TOGARAM1: variants seen among roughly 807,000 people sequenced by gnomAD.
TOGARAM1 encodes the protein TOG array regulator of axonemal microtubules protein 1.
A neutral mutation model predicts 166.6 loss-of-function variants in TOGARAM1; 100 were observed. The ratio of observed to expected loss-of-function variants is 0.60; its 90% CI spans 0.51 to 0.71. The LOEUF (loss-of-function observed/expected upper bound fraction) is 0.71, where lower values mean the gene tolerates loss of function less well. TOGARAM1 is among the 30% of genes least tolerant of loss of function. The probability of loss-of-function intolerance (pLI) is 0.00; values close to 1 mark genes in which losing one functional copy is unlikely to be tolerated. For synonymous variants in TOGARAM1, 758 were observed against 763.8 expected, an observed-to-expected ratio of 0.99 and a Z score of 0.13; for missense variants, 2,029 against 2,102.7, an observed-to-expected ratio of 0.96 and a Z score of 0.69.
chr14:45,047,307 G>A (rs933707330), intron 14 of TOGARAM1, among the ~76,000 whole-genome samples: 11 of 151,248 alleles, frequency 7.3e-5, no homozygotes, highest in African/African-American at 4.9e-5. Context: ...CAGGAGAATC[G>A]CTTGAACCCG....
Position 44,963,823 on chromosome 14 carries a change from C to G in TOGARAM1, c.1402C>G (p.Pro468Ala). The change falls in exon 1 of 20, where the codon CCT becomes GCT. Residue 468 changes from proline to alanine, a missense_variant. Physicochemically the swap from Pro to Ala is conservative, Grantham distance 27. Coordinates refer to ENST00000361462, the MANE Select transcript of TOGARAM1 (RefSeq NM_001308120.2). ...CCTCAAGCTAATGAAGGAAGTAGGA[C>G]CTCAGCAGGTGCTTTGTTTACTCCT... ...IFLKLMKEVGPQQVLCLLLEH... is the reference protein window; with the variant it reads ...IFLKLMKEVGAQQVLCLLLEH... 2 of 1,614,166 alleles carry G rather than the reference C, an allele frequency of 1.2e-6. No homozygotes were observed. The highest frequency in any genetic ancestry group is 1.7e-6 in the Non-Finnish European group (2 of 1,180,026).
intron 11 of TOGARAM1, among the ~76,000 whole-genome samples, chr14:45,039,264 T>G (rs1008996750): frequency 1.3e-5 from 2 of 152,146 alleles, no homozygotes; most frequent in African/African-American, 4.8e-5. Context: ...TCCAGGATTT[T>G]TATGGGCTTC....
chr14:44,964,557 G>A lies in TOGARAM1; in HGVS notation c.2046+90G>A, dbSNP rs1885408081. On this transcript the variant is annotated intron_variant, in intron 1 of 19. Transcript: ENST00000361462. Reference sequence around the variant, plus strand: ...GACTTAAGGGTCAGCCTGCTTGAGGGAAACATGTTATGCTTTGTTTTAAAT... The same window carrying A: ...GACTTAAGGGTCAGCCTGCTTGAGGAAAACATGTTATGCTTTGTTTTAAAT... 6.5e-6 allele frequency: 9 copies of A among 1,376,968 alleles called. No individual in the cohort carries two copies. The South Asian group carries it at 1.3e-4, about 20-fold the overall frequency. 85.3% of individuals were successfully genotyped at this position (1,376,968 alleles called of 1,614,324 possible).
Position 45,046,621 on chromosome 14 carries a change from A to G in TOGARAM1, c.4231A>G (p.Ile1411Val). ...DVLEFMEPER[I>V]LSAAKDMAER... The stretch of plus-strand genomic sequence containing the variant: ...ATTGGAATTTATGGAACCAGAACGT[A>G]TTTTATCTGCAGCAAAGGATATGGC... The change falls in exon 14 of 20, where the codon ATT becomes GTT. Residue 1411 changes from isoleucine (I) to valine (V), a missense_variant. Around this residue, in one of 2 missense-constraint regions of TOGARAM1, gnomAD observed 576 missense variants for 670.5 expected, o/e 0.86. Coordinates refer to ENST00000361462, the MANE Select transcript of TOGARAM1 (RefSeq NM_001308120.2). 7.0e-7 allele frequency: 1 copy of G among 1,420,782 alleles called. No individual in the cohort carries two copies. The highest frequency in any genetic ancestry group is 9.3e-7 in the Non-Finnish European group (1 of 1,080,186). 88.0% of individuals were successfully genotyped at this position (1,420,782 alleles called of 1,614,324 possible). A position where few individuals can be genotyped will look rare whatever the true frequency, so the allele number is the denominator to read the frequency against.
intron 3 of TOGARAM1, among the ~76,000 whole-genome samples, chr14:45,000,869 G>A (rs960882878): frequency 1.3e-5 from 2 of 152,078 alleles, no homozygotes; most frequent in Non-Finnish European, 2.9e-5. Flanking sequence ...AAGTAGCTGG[G>A]ACTACAGATA....
rs371710027 is a variant in TOGARAM1, at chr14:44,993,921, T to A, written c.2047-1825T>A. Among the ~76,000 whole-genome samples, 122 of 152,360 alleles carry A rather than the reference T, an allele frequency of 8.0e-4. 2 individuals are homozygous for A. The South Asian group carries it at 0.024, about 30-fold the overall frequency. On this transcript the variant is annotated intron_variant, in intron 1 of 19. Transcript: ENST00000361462. ...ATAAAATGTATTCCATACTGTAGAATTATTTCTGGATTACTCACTATGTTA... is the reference window on the plus strand; with the variant it reads ...ATAAAATGTATTCCATACTGTAGAAATATTTCTGGATTACTCACTATGTTA...
At chr14:45,050,637 T>C (rs576649948) in intron 14 of TOGARAM1, among the ~76,000 whole-genome samples, 26 of 151,688 alleles carry the variant, frequency 1.7e-4, no homozygotes, top group South Asian at 1.2e-3. Context: ...CCTTTTTTTT[T>C]CCCCCAAGAC....
intron 1 of TOGARAM1, among the ~76,000 whole-genome samples, chr14:44,987,613 T>C (rs1886902462): frequency 6.6e-6 from 1 of 150,858 alleles, no homozygotes; most frequent in Non-Finnish European, 1.5e-5. Context: ...CAACAGGTGC[T>C]GGAGAGGATG....
intron 7 of TOGARAM1, among the ~76,000 whole-genome samples, chr14:45,019,765 T>C (rs1880384269): frequency 6.6e-6 from 1 of 152,200 alleles, no homozygotes; most frequent in South Asian, 2.1e-4. Context: ...CAGCTAGGCT[T>C]AGGGACTCGC....
At chr14:45,038,604 C>T (rs565020199) in intron 11 of TOGARAM1, among the ~76,000 whole-genome samples, 16 of 152,380 alleles carry the variant, frequency 1.1e-4, no homozygotes, top group African/African-American at 3.4e-4. Flanking sequence ...GAGATGCCAG[C>T]AACTGCAGAA....
chr14:45,049,332 G>T (rs1192257795), intron 14 of TOGARAM1, among the ~76,000 whole-genome samples: 3 of 151,630 alleles, frequency 2.0e-5, no homozygotes, highest in African/African-American at 7.3e-5. Context: ...GCGCCATCTC[G>T]GCTCACTGCA....
At chr14:44,987,669 A>G (rs1886906256) in intron 1 of TOGARAM1, among the ~76,000 whole-genome samples, 1 of 150,028 alleles carries the variant, frequency 6.7e-6, no homozygotes, top group Non-Finnish European at 1.5e-5. Context: ...ACTGTAAACT[A>G]GTTCAACCAT....
At chr14:45,032,794 C>T (rs2138921636) in intron 11 of TOGARAM1, among the ~76,000 whole-genome samples, 1 of 152,292 alleles carries the variant, frequency 6.6e-6, no homozygotes, top group East Asian at 1.9e-4. Flanking sequence ...AATGTGCATC[C>T]CACGTGTTTC....
chr14:45,031,522 C>A (rs1009783047), intron 10 of TOGARAM1, among the ~76,000 whole-genome samples: 12 of 152,106 alleles, frequency 7.9e-5, no homozygotes, highest in African/African-American at 2.9e-4. Flanking sequence ...CATACAGATG[C>A]CATGAACCTT....
At chr14:44,999,097 A>G (rs1214681935) in intron 2 of TOGARAM1, among the ~76,000 whole-genome samples, 2 of 152,196 alleles carry the variant, frequency 1.3e-5, no homozygotes, top group Non-Finnish European at 2.9e-5. Flanking sequence ...GAAAGAGTGT[A>G]GGAAGAAACT....
intron 1 of TOGARAM1, among the ~76,000 whole-genome samples, chr14:44,991,064 T>A (rs2138792520): frequency 6.8e-6 from 1 of 146,258 alleles, no homozygotes; most frequent in East Asian, 2.1e-4. Context: ...GCTCAAGTGA[T>A]CCTCCCACCT....
rs949487778 is a variant in TOGARAM1 at position 44,995,622 on chromosome 14, A to G, written c.2047-124A>G. ...AATATGGATGTTTATCTGTATCATT[A>G]TATATTTGATAAATTAAAATTTATT... On this transcript the variant is annotated intron_variant, in intron 1 of 19. Coordinates refer to ENST00000361462, the MANE Select transcript of TOGARAM1 (RefSeq NM_001308120.2). 5 of 679,790 alleles carry G rather than the reference A, an allele frequency of 7.4e-6. No individual in the cohort carries two copies. In the Admixed American group the frequency reaches 8.0e-5, roughly 11 times the overall value. The allele number at this position is 679,790 out of a possible 1,614,324, so 42.1% of individuals were successfully genotyped here. A position where few individuals can be genotyped will look rare whatever the true frequency, so the allele number is the denominator to read the frequency against.
chr14:45,011,967 C>T lies in TOGARAM1; in HGVS notation c.3138-8C>T. ...AATGTTTATTGAAATTACTTTGTTT[C>T]ATTGCAGGTCAGACATATTTCCAAC... On this transcript the variant is annotated splice_region_variant and splice_polypyrimidine_tract_variant and intron_variant, in intron 6 of 19. Coordinates refer to ENST00000361462, the MANE Select transcript of TOGARAM1 (RefSeq NM_001308120.2). The T allele has an allele frequency of 6.3e-7, 1 of 1,583,584 alleles. No homozygotes were observed. The highest frequency in any genetic ancestry group is 8.6e-7 in the Non-Finnish European group (1 of 1,163,928).
At chr14:45,066,398 A>C (rs1396328071) in intron 16 of TOGARAM1, among the ~76,000 whole-genome samples, 180 bp from the exon 17 acceptor site, 1 of 152,100 alleles carries the variant, frequency 6.6e-6, no homozygotes, top group African/African-American at 2.4e-5. Context: ...CAAATATCCA[A>C]ATCCAGGGGA....
Sources: allele counts gnomAD v4.1 joint callset (sites outside exome capture counted in the v4.1 genomes callset), GRCh38; gene constraint gnomAD v4.1.1; regional missense constraint gnomAD v4.1.1; transcripts MANE v1.5; gene names NCBI Gene and HGNC (gene_info 2026-07-23, HGNC 2026-07-21).